Variants in KCNT1 observed in about 807,000 individuals in gnomAD.
KCNT1 encodes potassium sodium-activated channel subfamily T member 1, also known as potassium channel subfamily T member 1.
Under a neutral mutation model 147.8 loss-of-function variants are expected in KCNT1, and 78 were observed. The observed-to-expected ratio is 0.53, with a 90% CI of 0.44 to 0.64. The LOEUF (loss-of-function observed/expected upper bound fraction) is 0.64. Among genes scored for constraint, KCNT1 ranks in the 30% least tolerant of loss-of-function variants. The pLI is 0.00. For missense variants in KCNT1, 1,419 were observed against 1,750.3 expected (o/e 0.81, Z 3.38); for synonymous variants, 867 against 748.8 (o/e 1.16, Z -2.58).
In KCNT1 at chr9:135,714,858, G is replaced by A. The variant is rs990847580; in HGVS notation, c.254+138G>A. 3.7e-6 allele frequency: 2 copies of A among 536,218 alleles called. No individual in the cohort carries two copies. The highest frequency in any genetic ancestry group is 5.1e-6 in the Non-Finnish European group (2 of 390,522). The allele number at this position is 536,218 out of a possible 1,614,324, so 33.2% of individuals were successfully genotyped here. A position where few individuals can be genotyped will look rare whatever the true frequency, so the allele number is the denominator to read the frequency against. On this transcript the variant is annotated intron_variant, in intron 2 of 30. Coordinates refer to ENST00000371757, the MANE Select transcript of KCNT1 (RefSeq NM_020822.3). The surrounding 1 kb of genome is among the most constrained non-coding windows in gnomAD (Gnocchi z 6.2). ...CCCTTCAACTTTTCCCGGCTTCTGG[G>A]GACGCAGAAGTTTCGGAGGGGGTGC...
intron 24 of KCNT1, among the ~76,000 whole-genome samples, chr9:135,783,724 A>C (rs947114416): frequency 6.6e-6 from 1 of 152,204 alleles, no homozygotes; most frequent in Non-Finnish European, 1.5e-5. Flanking sequence ...AGGGCGCTTG[A>C]CCAAGCGCAG....
At chr9:135,741,329 A>G (rs1830558030) in intron 2 of KCNT1, among the ~76,000 whole-genome samples, 1 of 152,186 alleles carries the variant, frequency 6.6e-6, no homozygotes, top group African/African-American at 2.4e-5. Context: ...GAGCCCAGCC[A>G]GGGCCTGGCC....
At chr9:135,745,761 C>T (rs1830798882) in intron 2 of KCNT1, among the ~76,000 whole-genome samples, 1 of 152,250 alleles carries the variant, frequency 6.6e-6, no homozygotes, top group Non-Finnish European at 1.5e-5. Flanking sequence ...AGGGGAACAG[C>T]CGGGCAGAGG....
At position 135,765,843 on chromosome 9, in the gene KCNT1, C is replaced by T. The variant is rs1017206818; in HGVS notation, c.1337+83C>T. On this transcript the variant is annotated intron_variant, in intron 13 of 30. Coordinates refer to ENST00000371757, the MANE Select transcript of KCNT1 (RefSeq NM_020822.3). The stretch of plus-strand genomic sequence containing the variant: ...TGCTCAGGGCTGAGGCATTGACCGT[C>T]GCTCTCCTGGCCAATGAGAGCCATG... 2.5e-5 allele frequency: 32 copies of T among 1,290,396 alleles called. No homozygotes were observed. The South Asian group carries it at 3.0e-4, about 12-fold the overall frequency. 79.9% of individuals were successfully genotyped at this position (1,290,396 alleles called of 1,614,324 possible). A position where few individuals can be genotyped will look rare whatever the true frequency, so the allele number is the denominator to read the frequency against.
intron 2 of KCNT1, among the ~76,000 whole-genome samples, chr9:135,747,298 C>T (rs1830882130): frequency 6.6e-6 from 1 of 151,766 alleles, no homozygotes; most frequent in Non-Finnish European, 1.5e-5. Flanking sequence ...GGTGAGCAGA[C>T]CCCCCGCGTT....
intron 2 of KCNT1, among the ~76,000 whole-genome samples, chr9:135,734,980 C>G (rs753834150): frequency 2.0e-5 from 3 of 152,194 alleles, no homozygotes; most frequent in Non-Finnish European, 2.9e-5. Context: ...ATGGGGCTCA[C>G]TCAGCAGCAC....
chr9:135,758,300 G>A (rs1831651989), intron 9 of KCNT1, 114 bp from the exon 10 acceptor site: 2 of 777,566 alleles, frequency 2.6e-6, no homozygotes, highest in Non-Finnish European at 4.4e-6. Context: ...GGCCTCAGCC[G>A]AGACGCAGGT....
intron 1 of KCNT1, among the ~76,000 whole-genome samples, chr9:135,709,155 G>A (rs146830795): frequency 0.018 from 2,777 of 152,294 alleles, 41 homozygotes; most frequent in Non-Finnish European, 0.027. Flanking sequence ...CTACAAGCTG[G>A]GTGCCCAGAG....
chr9:135,791,565 G>A (rs748130474), intron 29 of KCNT1: 102 of 542,524 alleles, frequency 1.9e-4, no homozygotes, highest in Non-Finnish European at 3.1e-4. Flanking sequence ...GTGCGGGTCA[G>A]AGCTGGCTCC....
At chr9:135,703,950 G>A (rs1222341776) in intron 1 of KCNT1, among the ~76,000 whole-genome samples, 1 of 152,260 alleles carries the variant, frequency 6.6e-6, no homozygotes, top group African/African-American at 2.4e-5. Flanking sequence ...ACTGCAGGCA[G>A]AGCAGCCGCC....
At position 135,730,008 on chromosome 9, in the gene KCNT1, C is replaced by T. The variant is rs1402726898; in HGVS notation, c.254+15288C>T. Among the ~76,000 whole-genome samples the T allele has an allele frequency of 1.3e-5, 2 of 152,198 alleles. No homozygotes were observed. The highest frequency in any genetic ancestry group is 2.9e-5 in the Non-Finnish European group (2 of 68,044). ...CCCAAGCCTGTCCTTCCACTGGGAC[C>T]TGGGAGGTGCAGGCTGCCTTTTTCT... On this transcript the variant is annotated intron_variant, in intron 2 of 30. Coordinates refer to ENST00000371757, the MANE Select transcript of KCNT1 (RefSeq NM_020822.3). The surrounding 1 kb of genome is among the most constrained non-coding windows in gnomAD (Gnocchi z 4.7).
At chr9:135,745,763 G>C (rs1019618934) in intron 2 of KCNT1, among the ~76,000 whole-genome samples, 1 of 152,230 alleles carries the variant, frequency 6.6e-6, no homozygotes, top group Non-Finnish European at 1.5e-5. Flanking sequence ...GGGAACAGCC[G>C]GGCAGAGGAG....
At chr9:135,774,294 GGTGT>G (rs1006109044) in intron 19 of KCNT1, among the ~76,000 whole-genome samples, 8 of 147,494 alleles carry the variant, frequency 5.4e-5, no homozygotes, top group South Asian at 2.2e-4. Flanking sequence ...TGTTGTGTGT[GGTGT>G]GTGTGTCTGT....
In KCNT1 at chr9:135,714,465, G is replaced by T; in HGVS notation, c.111-112G>T. ...CGCCCGGCCGCCCGCCCGCCCGGTGGGTCGCGGTGGCCGCGGGCTGCGCTG... is the reference window on the plus strand; with the variant it reads ...CGCCCGGCCGCCCGCCCGCCCGGTGTGTCGCGGTGGCCGCGGGCTGCGCTG... On this transcript the variant is annotated intron_variant, in intron 1 of 30. Coordinates refer to ENST00000371757, the MANE Select transcript of KCNT1 (RefSeq NM_020822.3). The surrounding 1 kb of genome is among the most constrained non-coding windows in gnomAD (Gnocchi z 6.2). 1.4e-6 allele frequency: 1 copy of T among 714,064 alleles called. No homozygotes were observed. Among genetic ancestry groups the T allele is most frequent in the Non-Finnish European group, 1.7e-6 (1 of 586,106 alleles). 44.2% of individuals were successfully genotyped at this position (714,064 alleles called of 1,614,324 possible).
chr9:135,717,015 A>G (rs1835744485), intron 2 of KCNT1, among the ~76,000 whole-genome samples: 1 of 151,644 alleles, frequency 6.6e-6, no homozygotes. Context: ...GGTGGTGTGC[A>G]TAGGACGGGA....
At chr9:135,785,587 C>T (rs1833982689) in intron 28 of KCNT1, 2 of 613,818 alleles carry the variant, frequency 3.3e-6, no homozygotes, top group South Asian at 1.9e-5. Context: ...CCAGGTGCAC[C>T]CCCGCCCCCT....
At chr9:135,726,541 C>G (rs1220745996) in intron 2 of KCNT1, among the ~76,000 whole-genome samples, 1 of 152,016 alleles carries the variant, frequency 6.6e-6, no homozygotes, top group Non-Finnish European at 1.5e-5. Context: ...AGCGAGGCAC[C>G]CCAGGTAAGC....
At chr9:135,763,568 C>T (rs1832058129) in intron 11 of KCNT1, among the ~76,000 whole-genome samples, 3 of 152,122 alleles carry the variant, frequency 2.0e-5, no homozygotes, top group Non-Finnish European at 2.9e-5. Context: ...GAGATTGTCC[C>T]ATGCCTCTCT....
At chr9:135,704,321 C>A (rs1336724402) in intron 1 of KCNT1, among the ~76,000 whole-genome samples, 1 of 152,160 alleles carries the variant, frequency 6.6e-6, no homozygotes, top group East Asian at 1.9e-4. Context: ...GCTTGGACAC[C>A]CCACCCCACT....
Sources: allele counts gnomAD v4.1 joint callset (sites outside exome capture counted in the v4.1 genomes callset), GRCh38; gene constraint gnomAD v4.1.1; non-coding constraint Gnocchi (gnomAD v3.1); transcripts MANE v1.5; gene names NCBI Gene and HGNC (gene_info 2026-07-23, HGNC 2026-07-21).